EYS: variants seen among roughly 807,000 people sequenced by gnomAD.
EYS encodes the protein EGF-like photoreceptor maintenance factor.
In EYS, 250 loss-of-function variants were observed where a neutral mutation model predicts 282.1. The observed-to-expected ratio is 0.89, with a 90% CI of 0.80 to 0.98. The LOEUF (loss-of-function observed/expected upper bound fraction) is 0.98. EYS is among the 50% of genes least tolerant of loss of function. The probability of loss-of-function intolerance (pLI) is 0.00; values close to 1 mark genes in which losing one functional copy is unlikely to be tolerated. For synonymous variants in EYS, 1,355 were observed against 1,282.9 expected (o/e 1.06, Z -1.20); for missense variants, 4,016 against 3,709.0 (o/e 1.08, Z -2.15).
At chr6:65,589,385 C>A (rs1009264739) in intron 2 of EYS, among the ~76,000 whole-genome samples, 14 of 151,970 alleles carry the variant, frequency 9.2e-5, no homozygotes, top group African/African-American at 3.4e-4. Context: ...TCTTTTTCTT[C>A]TTTACCTCCA....
Position 64,295,110 on chromosome 6 carries a change from C to A in EYS, c.6191+11860G>T, listed in dbSNP as rs1768870706. ...ATGGGTCTGGCCGGGCACGGTGGCT[C>A]ACGCCTGTAACCCCAGCACTTTAGG... On this transcript the variant is annotated intron_variant, in intron 30 of 42. Coordinates refer to ENST00000503581, the MANE Select transcript of EYS (RefSeq NM_001142800.2). 2.0e-5 allele frequency among the ~76,000 whole-genome samples: 3 copies of A among 151,552 alleles called. No individual in the cohort carries two copies. In the South Asian group the frequency reaches 6.3e-4, roughly 32 times the overall value.
intron 2 of EYS, among the ~76,000 whole-genome samples, chr6:65,617,614 C>T (rs1582524542): frequency 6.6e-6 from 1 of 151,642 alleles, no homozygotes; most frequent in African/African-American, 2.4e-5. Flanking sequence ...AGGTTAGTTA[C>T]ATATGTATAC....
chr6:64,092,351 A>G (rs1053663752), intron 31 of EYS, among the ~76,000 whole-genome samples: 3 of 152,226 alleles, frequency 2.0e-5, no homozygotes, highest in African/African-American at 7.2e-5. Context: ...TGGTTGAACT[A>G]GTTTACAATC....
chr6:65,391,473 C>T (rs534503612), intron 7 of EYS, among the ~76,000 whole-genome samples: 1 of 152,118 alleles, frequency 6.6e-6, no homozygotes, highest in Non-Finnish European at 1.5e-5. Context: ...TCAGCAAAGT[C>T]TCAGGATGCA....
intron 36 of EYS, among the ~76,000 whole-genome samples, chr6:63,829,439 C>G (rs192529552): frequency 1.3e-5 from 2 of 152,160 alleles, no homozygotes; most frequent in African/African-American, 2.4e-5. Flanking sequence ...TTGGAGGGTC[C>G]CACGCCCACA....
chr6:64,470,771 C>T (rs1776100520), intron 26 of EYS, among the ~76,000 whole-genome samples: 1 of 151,836 alleles, frequency 6.6e-6, no homozygotes, highest in African/African-American at 2.4e-5. Flanking sequence ...TTTATGCTAA[C>T]ACTGACAAAA....
At chr6:65,319,567 A>C (rs1769414149) in intron 11 of EYS, among the ~76,000 whole-genome samples, 1 of 152,132 alleles carries the variant, frequency 6.6e-6, no homozygotes, top group Non-Finnish European at 1.5e-5. Flanking sequence ...GTTGAATTAT[A>C]TTTGTGTCTT....
chr6:64,500,364 T>C (rs1777000494), intron 26 of EYS, among the ~76,000 whole-genome samples: 1 of 152,252 alleles, frequency 6.6e-6, no homozygotes, highest in Admixed American at 6.5e-5. Flanking sequence ...CGTATCTGTT[T>C]GCTCTTAGAC....
At chr6:65,160,460 A>C (rs1326082376) in intron 12 of EYS, among the ~76,000 whole-genome samples, 3 of 150,936 alleles carry the variant, frequency 2.0e-5, no homozygotes, top group Non-Finnish European at 4.5e-5. Context: ...AAAGCTATAC[A>C]ATTATAGATG....
chr6:64,704,781 A>C (rs1450522034), intron 22 of EYS, among the ~76,000 whole-genome samples: 1 of 152,020 alleles, frequency 6.6e-6, no homozygotes, highest in Non-Finnish European at 1.5e-5. Context: ...AAACCTGGGC[A>C]GGTCTTACGA....
chr6:64,640,575 G>A (rs182130055), intron 22 of EYS, among the ~76,000 whole-genome samples: 2 of 151,180 alleles, frequency 1.3e-5, no homozygotes, highest in African/African-American at 4.9e-5. Flanking sequence ...GTTGTGGGGT[G>A]GGGGGAGTGG....
intron 14 of EYS, among the ~76,000 whole-genome samples, chr6:64,961,196 G>A (rs577337786): frequency 5.9e-5 from 9 of 152,154 alleles, no homozygotes; most frequent in African/African-American, 2.2e-4. Flanking sequence ...GTTGAATAGT[G>A]GTTCTGTCAT....
chr6:64,227,688 A>T (rs1472489201), intron 31 of EYS, among the ~76,000 whole-genome samples: 1 of 152,110 alleles, frequency 6.6e-6, no homozygotes, highest in Non-Finnish European at 1.5e-5. Context: ...CTGGTAAATC[A>T]GGACTCTTCA....
chr6:65,686,883 A>T (rs1187555256), intron 1 of EYS, among the ~76,000 whole-genome samples: 1 of 151,986 alleles, frequency 6.6e-6, no homozygotes, highest in Non-Finnish European at 1.5e-5. Flanking sequence ...GCTAGAATTG[A>T]TGGGGCTTGG....
chr6:65,696,044 T>C (rs904742069), intron 1 of EYS, among the ~76,000 whole-genome samples: 1 of 151,894 alleles, frequency 6.6e-6, no homozygotes, highest in Non-Finnish European at 1.5e-5. Flanking sequence ...GGAGAATATA[T>C]AAAAGGTAAT....
At chr6:65,056,107 C>T (rs901522118) in intron 13 of EYS, among the ~76,000 whole-genome samples, 2 of 151,998 alleles carry the variant, frequency 1.3e-5, no homozygotes, top group African/African-American at 4.8e-5. Flanking sequence ...TGGACTCTTA[C>T]ATATTTATAT....
rs780156999 is a variant in EYS, at chr6:65,490,582, T to C, written c.862+12A>G. On this transcript the variant is annotated intron_variant, in intron 5 of 42. Coordinates refer to ENST00000503581, the MANE Select transcript of EYS (RefSeq NM_001142800.2). Reference sequence around the variant, plus strand: ...ACTTGTGTATATGGTTGTATACATATGCATTTTTTACCTGAAAATTGCTCA... The same window carrying C: ...ACTTGTGTATATGGTTGTATACATACGCATTTTTTACCTGAAAATTGCTCA... 6 of 1,408,042 alleles carry C rather than the reference T, an allele frequency of 4.3e-6. No individual in the cohort carries two copies. The highest frequency in any genetic ancestry group is 4.0e-6 in the Non-Finnish European group (4 of 992,860). 87.2% of individuals were successfully genotyped at this position (1,408,042 alleles called of 1,614,324 possible). A position where few individuals can be genotyped will look rare whatever the true frequency, so the allele number is the denominator to read the frequency against.
intron 26 of EYS, among the ~76,000 whole-genome samples, chr6:64,458,063 A>G (rs1232986645): frequency 6.6e-6 from 1 of 152,042 alleles, no homozygotes; most frequent in Non-Finnish European, 1.5e-5. Flanking sequence ...AGAAATCTCT[A>G]CACTTTGACT....
At chr6:64,006,850 G>T (rs1768372261) in intron 33 of EYS, among the ~76,000 whole-genome samples, 1 of 152,012 alleles carries the variant, frequency 6.6e-6, no homozygotes, top group East Asian at 1.9e-4. Flanking sequence ...AGCCTACTTG[G>T]TCATGGTGGA....
Sources: allele counts gnomAD v4.1 joint callset (sites outside exome capture counted in the v4.1 genomes callset), GRCh38; gene constraint gnomAD v4.1.1; transcripts MANE v1.5; gene names NCBI Gene and HGNC (gene_info 2026-07-23, HGNC 2026-07-21).